HLCS: variants seen among roughly 807,000 people sequenced by gnomAD.
HLCS encodes the protein biotin--protein ligase.
A neutral mutation model predicts 75.0 loss-of-function variants in HLCS; 53 were observed. That is an observed-to-expected ratio of 0.71 (90% CI 0.57 to 0.89). The LOEUF is 0.89. HLCS is among the 40% of genes least tolerant of loss of function. HLCS has a pLI of 0.00. For synonymous variants in HLCS, 431 were observed against 428.6 expected (o/e 1.01, Z -0.07); for missense variants, 966 against 1,074.0 (o/e 0.90, Z 1.41).
At chr21:36,785,971 G>A (rs2060674034) in intron 6 of HLCS, among the ~76,000 whole-genome samples, 1 of 152,140 alleles carries the variant, frequency 6.6e-6, no homozygotes, top group South Asian at 2.1e-4. Context: ...TGGATCCTGT[G>A]TCTGTCTGTG....
intron 6 of HLCS, among the ~76,000 whole-genome samples, chr21:36,785,900 C>T (rs996188036): frequency 1.3e-5 from 2 of 152,150 alleles, no homozygotes; most frequent in Non-Finnish European, 2.9e-5. Context: ...GCCCAGGTGG[C>T]AGAACTCCTC....
intron 5 of HLCS, among the ~76,000 whole-genome samples, chr21:36,900,218 AG>A (rs947794327): frequency 6.6e-5 from 10 of 152,240 alleles, no homozygotes; most frequent in African/African-American, 2.4e-4. Flanking sequence ...AAAGCACAGA[AG>A]AGAGGGAGGC....
intron 6 of HLCS, among the ~76,000 whole-genome samples, chr21:36,814,849 T>G (rs969627065): frequency 6.6e-6 from 1 of 152,096 alleles, no homozygotes; most frequent in African/African-American, 2.4e-5. Flanking sequence ...GTTTCACTGG[T>G]AACAGAATTC....
chr21:36,869,391 C>T (rs577871926), intron 6 of HLCS, among the ~76,000 whole-genome samples: 14 of 152,268 alleles, frequency 9.2e-5, no homozygotes, highest in African/African-American at 3.4e-4. Context: ...CTCGGCCTCC[C>T]AAAGTGCTGG....
At position 36,976,570 on chromosome 21, in the gene HLCS, C is replaced by T. The variant is rs574283959; in HGVS notation, c.-393+13588G>A. Among the ~76,000 whole-genome samples, 177 of 152,124 alleles carry T rather than the reference C, an allele frequency of 1.2e-3. 1 individual carries two copies. The highest frequency in any genetic ancestry group is 4.1e-3 in the African/African-American group (169 of 41,490). On this transcript the variant is annotated intron_variant, in intron 1 of 11. Coordinates refer to the HLCS transcript ENST00000336648. ...CTACACTCCAGCCTGGGCAACAGAGCCAGACTGTCTCAAAAAATAAATAAC... is the reference window on the plus strand; with the variant it reads ...CTACACTCCAGCCTGGGCAACAGAGTCAGACTGTCTCAAAAAATAAATAAC...
chr21:36,919,526 C>T (rs2066070751), intron 5 of HLCS, among the ~76,000 whole-genome samples: 1 of 152,198 alleles, frequency 6.6e-6, no homozygotes, highest in Admixed American at 6.5e-5. Context: ...GACACAGAAA[C>T]AGATAAGACG....
intron 3 of HLCS, among the ~76,000 whole-genome samples, chr21:36,937,912 T>C (rs2066968344): frequency 6.6e-6 from 1 of 152,190 alleles, no homozygotes; most frequent in African/African-American, 2.4e-5. Context: ...AAAACATTTA[T>C]TGAGCACTTG....
At chr21:36,927,466 C>T (rs576669925) in intron 5 of HLCS, among the ~76,000 whole-genome samples, 15 of 152,346 alleles carry the variant, frequency 9.8e-5, no homozygotes, top group African/African-American at 3.1e-4. Context: ...AAATCTTCTG[C>T]GCTATTCGTC....
At chr21:36,939,682 C>G (rs561531368) in intron 2 of HLCS, among the ~76,000 whole-genome samples, 90 of 152,170 alleles carry the variant, frequency 5.9e-4, no homozygotes, top group Admixed American at 5.9e-3. Context: ...CCAGTTCTTA[C>G]TACAGAAGAC....
chr21:36,903,333 T>C (rs2065316722), intron 5 of HLCS, among the ~76,000 whole-genome samples: 1 of 152,136 alleles, frequency 6.6e-6, no homozygotes, highest in Non-Finnish European at 1.5e-5. Context: ...TGGCCATTAG[T>C]TATAACCAAC....
chr21:36,912,834 G>C (rs1354871366), intron 5 of HLCS, among the ~76,000 whole-genome samples: 1 of 152,110 alleles, frequency 6.6e-6, no homozygotes, highest in Non-Finnish European at 1.5e-5. Context: ...GGCAACCGAG[G>C]GGTCTCGCTG....
intron 6 of HLCS, among the ~76,000 whole-genome samples, chr21:36,875,595 A>G (rs889964254): frequency 6.6e-6 from 1 of 152,210 alleles, no homozygotes; most frequent in Non-Finnish European, 1.5e-5. Flanking sequence ...GTCCACTAAG[A>G]GCTGGACACT....
chr21:36,862,245 C>T (rs1205510031), intron 6 of HLCS, among the ~76,000 whole-genome samples: 2 of 152,186 alleles, frequency 1.3e-5, no homozygotes, highest in Non-Finnish European at 2.9e-5. Flanking sequence ...AGCGTGATGC[C>T]ATGAATATCC....
At chr21:36,923,875 G>C (rs1486089464) in intron 5 of HLCS, among the ~76,000 whole-genome samples, 1 of 152,210 alleles carries the variant, frequency 6.6e-6, no homozygotes, top group Non-Finnish European at 1.5e-5. Context: ...CGTAGGTGAA[G>C]GGCGAAGGAA....
At chr21:36,909,407 G>A (rs968481052) in intron 5 of HLCS, among the ~76,000 whole-genome samples, 3 of 152,136 alleles carry the variant, frequency 2.0e-5, no homozygotes, top group Non-Finnish European at 4.4e-5. Flanking sequence ...TAAGGCCCAG[G>A]AGACTCCATA....
At chr21:36,895,308 C>T (rs1486309993) in intron 6 of HLCS, among the ~76,000 whole-genome samples, 8 of 152,112 alleles carry the variant, frequency 5.3e-5, no homozygotes, top group East Asian at 1.9e-4. Context: ...ATGAAGTCTT[C>T]GCTTGAGTAA....
At chr21:36,962,885 C>G (rs1382909211) in intron 1 of HLCS, among the ~76,000 whole-genome samples, 1 of 151,712 alleles carries the variant, frequency 6.6e-6, no homozygotes, top group Non-Finnish European at 1.5e-5. Flanking sequence ...AAGGGCTGTT[C>G]CTTCATTCCC....
chr21:36,983,453 C>T (rs573403133), intron 1 of HLCS, among the ~76,000 whole-genome samples: 2 of 151,866 alleles, frequency 1.3e-5, no homozygotes, highest in African/African-American at 2.4e-5. Flanking sequence ...TCAAGTGACC[C>T]GCCCACCTCG....
chr21:36,878,529 C>G (rs2064074681), intron 6 of HLCS, among the ~76,000 whole-genome samples: 1 of 152,124 alleles, frequency 6.6e-6, no homozygotes, highest in African/African-American at 2.4e-5. Flanking sequence ...TTCATACTTA[C>G]CATTGTATTT....
Sources: allele counts gnomAD v4.1 joint callset (sites outside exome capture counted in the v4.1 genomes callset), GRCh38; gene constraint gnomAD v4.1.1; transcripts MANE v1.5; gene names NCBI Gene and HGNC (gene_info 2026-07-23, HGNC 2026-07-21).